The following SNTB1 variants were observed in gnomAD, a reference collection of about 807,000 sequenced individuals.
SNTB1 encodes syntrophin beta 1.
SNTB1 carries 36 observed loss-of-function variants against 48.9 expected under a neutral mutation model. The observed-to-expected ratio is 0.74, with a 90% confidence interval of 0.56 to 0.97. SNTB1 has a LOEUF of 0.97. Among genes scored for constraint, SNTB1 ranks in the 50% least tolerant of loss-of-function variants. The pLI is 0.00. For synonymous variants in SNTB1, 299 were observed against 294.6 expected, an observed-to-expected ratio of 1.01 and a Z score of -0.15; for missense variants, 786 against 703.4, an observed-to-expected ratio of 1.12 and a Z score of -1.33.
At chr8:120,561,979 G>A (rs893606634) in intron 4 of SNTB1, among the ~76,000 whole-genome samples, 3 of 152,138 alleles carry the variant, frequency 2.0e-5, no homozygotes, top group African/African-American at 4.8e-5. Flanking sequence ...GTGCCAAGGA[G>A]TTCCAGTCTC....
intron 4 of SNTB1, 77 bp from the exon 5 acceptor site, chr8:120,549,035 C>T (rs967307179): frequency 8.3e-7 from 1 of 1,211,630 alleles, no homozygotes; most frequent in Non-Finnish European, 1.2e-6. Context: ...GTATAAGACC[C>T]AAATTGGTGA....
intron 4 of SNTB1, among the ~76,000 whole-genome samples, chr8:120,574,561 A>G (rs1422793122): frequency 1.3e-5 from 2 of 152,328 alleles, no homozygotes; most frequent in East Asian, 1.9e-4. Flanking sequence ...CATATTTCAC[A>G]TGAATAATAA....
intron 3 of SNTB1, among the ~76,000 whole-genome samples, chr8:120,625,779 A>C (rs1816863643): frequency 6.6e-6 from 1 of 152,160 alleles, no homozygotes; most frequent in African/African-American, 2.4e-5. Context: ...TTTCTACCAT[A>C]ACCAATAGTC....
intron 1 of SNTB1, chr8:120,768,937 A>T (rs1819572839): frequency 6.6e-6 from 1 of 152,210 alleles, no homozygotes; most frequent in African/African-American, 2.4e-5. Flanking sequence ...TCCCCACCAC[A>T]GGTGGAGAGG....
intron 3 of SNTB1, among the ~76,000 whole-genome samples, chr8:120,587,648 G>A (rs1306355705): frequency 3.3e-5 from 5 of 152,290 alleles, no homozygotes; most frequent in Middle Eastern, 3.4e-3. Context: ...GCTGTAAACC[G>A]TTTAAGCATC....
intron 4 of SNTB1, among the ~76,000 whole-genome samples, chr8:120,550,580 T>A (rs181292864): frequency 2.1e-3 from 317 of 150,084 alleles, no homozygotes; most frequent in African/African-American, 7.3e-3. Context: ...ATGGAAGTTC[T>A]GTGAATCTCA....
At chr8:120,741,328 G>A (rs1407523723) in intron 1 of SNTB1, among the ~76,000 whole-genome samples, 1 of 152,176 alleles carries the variant, frequency 6.6e-6, no homozygotes, top group East Asian at 1.9e-4. Context: ...GTGTTTTACG[G>A]CCAGGCACGG....
chr8:120,727,742 GT>G (rs1258515975), intron 1 of SNTB1, among the ~76,000 whole-genome samples: 5 of 152,216 alleles, frequency 3.3e-5, no homozygotes, highest in Non-Finnish European at 7.3e-5. Context: ...GCACCAGGCT[GT>G]GTGGTTGCCT....
In SNTB1 at chr8:120,715,635, C is replaced by T. The variant is rs566193317; in HGVS notation, c.572-21727G>A. Among the ~76,000 whole-genome samples the T allele has an allele frequency of 5.3e-5, 8 of 152,286 alleles. No homozygotes were observed. The South Asian group carries it at 1.2e-3, about 24-fold the overall frequency. On this transcript the variant is annotated intron_variant, in intron 1 of 6. Coordinates refer to ENST00000517992, the MANE Select transcript of SNTB1 (RefSeq NM_021021.4). ...GGGAGACTCGATAAAGTTTCTGTGA[C>T]GATTTCATGTGATGTCAACACTGAG...
intron 1 of SNTB1, among the ~76,000 whole-genome samples, chr8:120,721,462 A>G (rs988303801): frequency 1.3e-5 from 2 of 152,308 alleles, no homozygotes; most frequent in East Asian, 1.9e-4. Context: ...CAATGAAAAC[A>G]AGATACTGAG....
rs139787009 is a variant in SNTB1 at position 120,603,885 on chromosome 8, A to G, written c.996+28559T>C. On this transcript the variant is annotated intron_variant, in intron 3 of 6. Transcript: ENST00000517992. ...TGGAAAGTGGTTGAATGAAGTTTCC[A>G]TCTCCCCAGAGGTACACTTTGACCA... Among the ~76,000 whole-genome samples, 1,417 of 152,288 alleles carry G rather than the reference A, an allele frequency of 9.3e-3. 27 individuals are homozygous for G. The highest frequency in any genetic ancestry group is 0.033 in the African/African-American group (1,364 of 41,566).
At chr8:120,731,465 T>C (rs1401405123) in intron 1 of SNTB1, among the ~76,000 whole-genome samples, 1 of 152,140 alleles carries the variant, frequency 6.6e-6, no homozygotes, top group African/African-American at 2.4e-5. Flanking sequence ...ATAGGAACAA[T>C]ATCACCTCTC....
At chr8:120,744,004 C>T (rs1029406287) in intron 1 of SNTB1, among the ~76,000 whole-genome samples, 1 of 152,054 alleles carries the variant, frequency 6.6e-6, no homozygotes, top group African/African-American at 2.4e-5. Context: ...GTGGCATATG[C>T]CTGTGGTCCC....
chr8:120,805,364 C>T (rs1463670801), intron 1 of SNTB1, among the ~76,000 whole-genome samples: 1 of 152,050 alleles, frequency 6.6e-6, no homozygotes, highest in Non-Finnish European at 1.5e-5. Flanking sequence ...GAGAATTATC[C>T]TGGTGTGTTT....
At chr8:120,811,157 CGG>C in intron 1 of SNTB1, 114 bp downstream of exon 1, 1 of 1,378,928 alleles carries the variant, frequency 7.3e-7, no homozygotes, top group East Asian at 2.6e-5. Context: ...CACACACACC[CGG>C]CCCCCTGGGG....
Position 120,783,825 on chromosome 8 carries a change from T to A in SNTB1, c.571+27448A>T, listed in dbSNP as rs544745579. ...ATTCGAAATAGATAAAACAAAAATT[T>A]TTTTACCAATAAAATTATTTTAAAA... is the stretch of plus-strand genomic sequence containing the variant. On this transcript the variant is annotated intron_variant, in intron 1 of 6. Transcript: ENST00000517992. 4.6e-5 allele frequency among the ~76,000 whole-genome samples: 7 copies of A among 152,312 alleles called. No homozygotes were observed. In the East Asian group the frequency reaches 5.8e-4, roughly 13 times the overall value.
At chr8:120,731,716 G>A (rs1054973394) in intron 1 of SNTB1, among the ~76,000 whole-genome samples, 2 of 152,162 alleles carry the variant, frequency 1.3e-5, no homozygotes, top group Non-Finnish European at 2.9e-5. Context: ...CCTAGCAAGT[G>A]AGTACCAGAC....
chr8:120,623,371 A>G (rs1238623185), intron 3 of SNTB1, among the ~76,000 whole-genome samples: 1 of 152,212 alleles, frequency 6.6e-6, no homozygotes, highest in Non-Finnish European at 1.5e-5. Context: ...TTCTCTTATC[A>G]GCTGGACCAG....
At chr8:120,629,334 T>C (rs1587044775) in intron 3 of SNTB1, among the ~76,000 whole-genome samples, 1 of 152,246 alleles carries the variant, frequency 6.6e-6, no homozygotes, top group Non-Finnish European at 1.5e-5. Context: ...TGTTGTTTCA[T>C]ATTGTTTGAG....
Sources: allele counts gnomAD v4.1 joint callset (sites outside exome capture counted in the v4.1 genomes callset), GRCh38; gene constraint gnomAD v4.1.1; transcripts MANE v1.5; gene names NCBI Gene and HGNC (gene_info 2026-07-23, HGNC 2026-07-21).